Variants in SLC24A2 observed in about 807,000 individuals in gnomAD.
The protein encoded by SLC24A2 is solute carrier family 24 member 2.
SLC24A2 carries 36 observed loss-of-function variants against 62.0 expected under a neutral mutation model. That is an observed-to-expected ratio of 0.58 (90% confidence interval 0.44 to 0.77). SLC24A2 has a LOEUF of 0.77. SLC24A2 is among the 30% of genes least tolerant of loss of function. The pLI, the probability that SLC24A2 is intolerant of heterozygous loss-of-function variation, is 0.00. For missense variants in SLC24A2, 846 were observed against 817.9 expected (o/e 1.03, Z -0.42); for synonymous variants, 358 against 294.0 (o/e 1.22, Z -2.23).
chr9:20,018,977 G>C, the SLC24A2 span, among the ~76,000 whole-genome samples: 1 of 151,662 alleles, frequency 6.6e-6, no homozygotes, highest in African/African-American at 2.4e-5. Context: ...GGTAGGAGGA[G>C]CATTTGAGCC....
At chr9:20,004,543 C>T in the SLC24A2 span, among the ~76,000 whole-genome samples, 1 of 152,170 alleles carries the variant, frequency 6.6e-6, no homozygotes, top group African/African-American at 2.4e-5. Context: ...TAAAGACTCT[C>T]ATTTTGTTTT....
chr9:20,032,797 C>A, the SLC24A2 span, among the ~76,000 whole-genome samples: 1 of 151,996 alleles, frequency 6.6e-6, no homozygotes, highest in Non-Finnish European at 1.5e-5. Flanking sequence ...AAGGACCCAA[C>A]CCAGGGAGGA....
At chr9:19,902,583 G>C in the SLC24A2 span, among the ~76,000 whole-genome samples, 1 of 152,136 alleles carries the variant, frequency 6.6e-6, no homozygotes, top group Non-Finnish European at 1.5e-5. Flanking sequence ...CACAGGATTA[G>C]CCCAGGCAGA....
At chr9:20,270,166 C>A in the SLC24A2 span, among the ~76,000 whole-genome samples, 1 of 152,226 alleles carries the variant, frequency 6.6e-6, no homozygotes, top group Middle Eastern at 3.4e-3. Context: ...AGAAGGGCAC[C>A]AACCTATTCA....
At chr9:20,252,973 T>C in the SLC24A2 span, among the ~76,000 whole-genome samples, 3 of 152,184 alleles carry the variant, frequency 2.0e-5, no homozygotes, top group African/African-American at 4.8e-5. Flanking sequence ...GTTAATCTCA[T>C]CAACTAATTT....
At chr9:19,544,965 G>A (rs1448593123) in intron 8 of SLC24A2, among the ~76,000 whole-genome samples, 2 of 152,128 alleles carry the variant, frequency 1.3e-5, no homozygotes, top group Non-Finnish European at 2.9e-5. Flanking sequence ...GAATTTGAAC[G>A]TTGGCCTGTC....
At chr9:20,088,214 C>G in the SLC24A2 span, among the ~76,000 whole-genome samples, 2 of 152,244 alleles carry the variant, frequency 1.3e-5, no homozygotes, top group Non-Finnish European at 2.9e-5. Context: ...GGCCGCACTT[C>G]CATGGCATCT....
At chr9:19,861,810 G>C in the SLC24A2 span, among the ~76,000 whole-genome samples, 1 of 152,070 alleles carries the variant, frequency 6.6e-6, no homozygotes, top group Non-Finnish European at 1.5e-5. Context: ...GAATGCATCA[G>C]AGTCTTTTAA....
At chr9:20,024,029 G>A in the SLC24A2 span, among the ~76,000 whole-genome samples, 4 of 152,170 alleles carry the variant, frequency 2.6e-5, no homozygotes, top group Admixed American at 6.5e-5. Flanking sequence ...CCACGGAAAC[G>A]CTTTCCCATT....
chr9:19,884,729 TCAGTA>T, the SLC24A2 span, among the ~76,000 whole-genome samples: 1 of 152,218 alleles, frequency 6.6e-6, no homozygotes, highest in Non-Finnish European at 1.5e-5. Context: ...GTTTTCACTT[TCAGTA>T]CAGTATTCAA....
the SLC24A2 span, among the ~76,000 whole-genome samples, chr9:20,189,115 A>G: frequency 7.2e-6 from 1 of 139,796 alleles, no homozygotes; most frequent in African/African-American, 2.7e-5. Flanking sequence ...GCTCTTAGAG[A>G]GTTCCAGGAG....
At chr9:19,829,806 TATATACACACACACACAC>T in the SLC24A2 span, among the ~76,000 whole-genome samples, 3 of 111,700 alleles carry the variant, frequency 2.7e-5, no homozygotes, top group Admixed American at 8.9e-5. Context: ...TGTATATATA[TATATACACACACACACAC>T]ACACACACAC....
chr9:20,189,298 A>G, the SLC24A2 span, among the ~76,000 whole-genome samples: 11 of 152,124 alleles, frequency 7.2e-5, no homozygotes, highest in African/African-American at 2.4e-4. Flanking sequence ...GAGTTTCCAG[A>G]GAACAACAAT....
chr9:19,517,943 ACACAC>A, intron 10 of SLC24A2, among the ~76,000 whole-genome samples: 1 of 148,564 alleles, frequency 6.7e-6, no homozygotes, highest in African/African-American at 2.5e-5. Flanking sequence ...ACACACACAC[ACACAC>A]ACACACACAC....
At chr9:19,677,680 A>G (rs1819599677) in intron 2 of SLC24A2, among the ~76,000 whole-genome samples, 3 of 152,158 alleles carry the variant, frequency 2.0e-5, no homozygotes, top group South Asian at 4.1e-4. Context: ...ATTCTGCATC[A>G]TATTTTAAAA....
At chr9:19,543,132 C>T (rs369406362) in intron 8 of SLC24A2, among the ~76,000 whole-genome samples, 30 of 152,126 alleles carry the variant, frequency 2.0e-4, no homozygotes, top group Non-Finnish European at 2.8e-4. Flanking sequence ...TTCAGGGATT[C>T]GACTTCTTCC....
At chr9:19,730,947 C>A (rs1346409747) in intron 2 of SLC24A2, among the ~76,000 whole-genome samples, 69 of 152,074 alleles carry the variant, frequency 4.5e-4, no homozygotes, top group East Asian at 3.9e-4. Context: ...CTTTCAAGCA[C>A]CTGACCTACT....
chr9:20,230,268 C>A, the SLC24A2 span, among the ~76,000 whole-genome samples: 1 of 152,124 alleles, frequency 6.6e-6, no homozygotes, highest in Non-Finnish European at 1.5e-5. Flanking sequence ...ATGGCTGGGT[C>A]AAATGGTATT....
chr9:20,106,683 T>A, the SLC24A2 span, among the ~76,000 whole-genome samples: 1 of 152,128 alleles, frequency 6.6e-6, no homozygotes, highest in African/African-American at 2.4e-5. Flanking sequence ...AAATTAGGTA[T>A]TGATGGGACA....
Sources: allele counts gnomAD v4.1 joint callset (sites outside exome capture counted in the v4.1 genomes callset), GRCh38; gene constraint gnomAD v4.1.1; transcripts MANE v1.5; gene names NCBI Gene and HGNC (gene_info 2026-07-23, HGNC 2026-07-21).